AVEN: variants seen among roughly 807,000 people sequenced by gnomAD.
The protein encoded by AVEN is apoptosis and caspase activation inhibitor.
A neutral mutation model predicts 38.1 loss-of-function variants in AVEN; 41 were observed. That is an observed-to-expected ratio of 1.08 (90% CI 0.84 to 1.40). The LOEUF is 1.40. AVEN is among the 40% of genes most tolerant of loss of function. The probability of loss-of-function intolerance (pLI) is 0.00; values close to 1 mark genes in which losing one functional copy is unlikely to be tolerated. For missense variants in AVEN, 605 were observed against 438.8 expected (o/e 1.38, Z -3.38); for synonymous variants, 206 against 171.8 (o/e 1.20, Z -1.56).
At chr15:33,922,586 C>A (rs1205997244) in intron 2 of AVEN, among the ~76,000 whole-genome samples, 1 of 152,092 alleles carries the variant, frequency 6.6e-6, no homozygotes, top group South Asian at 2.1e-4. Context: ...TGGCATGTAC[C>A]ACCACACCCA....
chr15:33,881,090 A>AT (rs1891467723), intron 2 of AVEN, among the ~76,000 whole-genome samples: 1 of 152,090 alleles, frequency 6.6e-6, no homozygotes, highest in African/African-American at 2.4e-5. Flanking sequence ...ATTTTATTTT[A>AT]TTTTTTTATT....
upstream of AVEN, among the ~76,000 whole-genome samples, chr15:34,042,992 A>G (rs1229895572): frequency 1.3e-5 from 2 of 151,946 alleles, no homozygotes; most frequent in Non-Finnish European, 2.9e-5. Flanking sequence ...TCACGCCTGT[A>G]ATCCCAGCAC....
intron 2 of AVEN, among the ~76,000 whole-genome samples, chr15:33,954,319 T>TAGC (rs1334837351): frequency 6.6e-6 from 1 of 152,198 alleles, no homozygotes; most frequent in Non-Finnish European, 1.5e-5. Context: ...CCCAAAGGAT[T>TAGC]ATAAATCATG....
intron 2 of AVEN, among the ~76,000 whole-genome samples, chr15:33,944,888 T>C (rs1259429877): frequency 1.5e-4 from 23 of 151,986 alleles, no homozygotes; most frequent in Admixed American, 1.3e-3. Flanking sequence ...GCCTTTCCAT[T>C]AAAGCAGATA....
chr15:33,877,829 A>G (rs1891310009), intron 2 of AVEN, among the ~76,000 whole-genome samples: 1 of 152,168 alleles, frequency 6.6e-6, no homozygotes, highest in Non-Finnish European at 1.5e-5. Flanking sequence ...CACGCCTATA[A>G]TCCCAGCTAC....
chr15:33,967,516 T>C (rs1258169018), intron 2 of AVEN, among the ~76,000 whole-genome samples: 1 of 152,076 alleles, frequency 6.6e-6, no homozygotes, highest in Non-Finnish European at 1.5e-5. Context: ...TGACAATTGT[T>C]GAATCTTGGT....
At chr15:34,009,091 A>C (rs990625903) in intron 1 of AVEN, among the ~76,000 whole-genome samples, 2 of 152,198 alleles carry the variant, frequency 1.3e-5, no homozygotes, top group African/African-American at 4.8e-5. Context: ...CCAGAAGGCA[A>C]TAATATAACA....
chr15:33,898,440 T>C (rs1892338670), intron 2 of AVEN, among the ~76,000 whole-genome samples: 1 of 152,224 alleles, frequency 6.6e-6, no homozygotes, highest in Non-Finnish European at 1.5e-5. Context: ...AAGGCCATGC[T>C]GTCTCTGAAG....
chr15:33,890,787 C>G (rs1891911402), intron 2 of AVEN, among the ~76,000 whole-genome samples: 1 of 152,182 alleles, frequency 6.6e-6, no homozygotes, highest in Non-Finnish European at 1.5e-5. Context: ...TGCAAACTTA[C>G]TAGCTGATGA....
chr15:33,935,708 C>T (rs961146336), intron 2 of AVEN, among the ~76,000 whole-genome samples: 6 of 151,970 alleles, frequency 3.9e-5, no homozygotes, highest in African/African-American at 7.2e-5. Context: ...GGTAACCTAG[C>T]GGAAAGTAGA....
intron 2 of AVEN, among the ~76,000 whole-genome samples, chr15:33,903,624 G>A (rs1376994005): frequency 6.6e-6 from 1 of 152,172 alleles, no homozygotes; most frequent in African/African-American, 2.4e-5. Context: ...CTAGTAAGGA[G>A]ATGTGTTTAG....
chr15:34,022,502 A>G (rs1404943556), intron 1 of AVEN, among the ~76,000 whole-genome samples: 1 of 152,166 alleles, frequency 6.6e-6, no homozygotes, highest in East Asian at 1.9e-4. Flanking sequence ...AAAGCTCCCC[A>G]TCCATCAGAA....
intron 2 of AVEN, among the ~76,000 whole-genome samples, chr15:33,986,782 G>A (rs967346650): frequency 6.6e-6 from 1 of 151,482 alleles, no homozygotes; most frequent in Non-Finnish European, 1.5e-5. Context: ...TCAGCCGCCC[G>A]AGTAGCTGGG....
rs1287666228 is a variant in AVEN, at chr15:33,958,601, AAAAAAGGAAAAG to A, written c.445+44419_445+44430del. Among the ~76,000 whole-genome samples, 858 of 151,894 alleles carry A rather than the reference AAAAAAGGAAAAG, an allele frequency of 5.6e-3. 5 individuals are homozygous for A. Among genetic ancestry groups the A allele is most frequent in the African/African-American group, 0.02 (821 of 41,348 alleles). ...GCAAGACCCTATCTCAAGAAAAAAA[AAAAAAGGAAAAG>A]AAAAGAAAGAAAACTTCTTTATACA... is the stretch of plus-strand genomic sequence containing the variant. On this transcript the variant is annotated intron_variant, in intron 2 of 5. Coordinates refer to ENST00000306730, the MANE Select transcript of AVEN (RefSeq NM_020371.3).
rs749608809 is a variant in AVEN, at chr15:34,063,385, G to A, written n.1174C>T. ...CGAATCTACCGGGAAACAGAGAAGC[G>A]AACCAAGGACCTGGCTGACCTCCAG... On this transcript the variant is annotated non_coding_transcript_exon_variant, in exon 5 of 12. Transcript: ENST00000675287. The surrounding 1 kb of genome is among the most constrained non-coding windows in gnomAD (Gnocchi z 4.1). 7.4e-6 allele frequency: 12 copies of A among 1,613,914 alleles called. No individual in the cohort carries two copies. Among genetic ancestry groups the A allele is most frequent in the Non-Finnish European group, 1.0e-5 (12 of 1,180,034 alleles).
chr15:33,948,855 C>T (rs1567429036), intron 2 of AVEN, among the ~76,000 whole-genome samples: 5 of 151,914 alleles, frequency 3.3e-5, no homozygotes, highest in Admixed American at 2.6e-4. Context: ...GTATTTTTAT[C>T]GAGACAGGGG....
At chr15:33,971,217 A>G (rs905726696) in intron 2 of AVEN, among the ~76,000 whole-genome samples, 1 of 152,034 alleles carries the variant, frequency 6.6e-6, no homozygotes, top group African/African-American at 2.4e-5. Flanking sequence ...GAGATTCTGA[A>G]CAGTCTTGGG....
intron 2 of AVEN, among the ~76,000 whole-genome samples, chr15:33,948,141 A>G (rs891725057): frequency 7.0e-6 from 1 of 142,190 alleles, no homozygotes; most frequent in Admixed American, 7.7e-5. Context: ...TCTGTCTCCC[A>G]GGCTGGAGTG....
At chr15:33,938,455 G>GA (rs1375184439) in intron 2 of AVEN, among the ~76,000 whole-genome samples, 1 of 151,198 alleles carries the variant, frequency 6.6e-6, no homozygotes, top group African/African-American at 2.4e-5. Flanking sequence ...ACTCCGTCTT[G>GA]AAAAAAATAA....
Sources: gnomAD v4.1 joint callset for allele counts (sites outside exome capture counted in the v4.1 genomes callset) on GRCh38, gnomAD v4.1.1 for gene constraint, Gnocchi (gnomAD v3.1) non-coding constraint, MANE v1.5 for transcripts, NCBI Gene and HGNC (gene_info 2026-07-23, HGNC 2026-07-21) for gene names.